Variants in FGF7 observed in about 807,000 individuals in gnomAD.
The protein encoded by FGF7 is fibroblast growth factor 7, also known as FGF-7.
FGF7 carries 6 observed loss-of-function variants against 20.5 expected under a neutral mutation model. The observed-to-expected ratio is 0.29, with a 90% CI of 0.16 to 0.58. FGF7 has a LOEUF of 0.58. FGF7 is among the 20% of genes least tolerant of loss of function. The probability of loss-of-function intolerance (pLI) is 0.90; values close to 1 mark genes in which losing one functional copy is unlikely to be tolerated. For missense variants in FGF7, 144 were observed against 228.8 expected (o/e 0.63, Z 2.39); for synonymous variants, 64 against 74.7 (o/e 0.86, Z 0.74).
rs2056254830 is a variant in FGF7, at chr15:49,484,615, C to T, written c.*111C>T. 12 of 528,076 alleles carry T rather than the reference C, an allele frequency of 2.3e-5. No homozygotes were observed. In the South Asian group the frequency reaches 3.9e-4, roughly 17 times the overall value. The allele number at this position is 528,076 out of a possible 1,614,324, so 32.7% of individuals were successfully genotyped here. ...TTTATTTTTTAGTAATCAAGAAAGG[C>T]TGGAAAACTACTGAAAAACTGATCA... On this transcript the variant is annotated 3_prime_UTR_variant, in exon 4 of 4. Coordinates refer to ENST00000267843, the MANE Select transcript of FGF7 (RefSeq NM_002009.4).
At position 49,457,810 on chromosome 15, in the gene FGF7, T is replaced by A. The variant is rs117283437; in HGVS notation, c.287-25341T>A. Among the ~76,000 whole-genome samples the A allele has an allele frequency of 2.6e-5, 4 of 152,098 alleles. No individual in the cohort carries two copies. The East Asian group carries it at 7.7e-4, about 29-fold the overall frequency. ...TTATATTAGAGAATAGGAATTTTTA[T>A]AGTCATCAGTTAAATGGTATACTTT... On this transcript the variant is annotated intron_variant, in intron 2 of 3. Coordinates refer to ENST00000267843, the MANE Select transcript of FGF7 (RefSeq NM_002009.4).
rs2151748977 is a variant in FGF7, at chr15:49,424,315, G to A, written c.18G>A (p.Leu6=). The A allele has an allele frequency of 6.2e-7, 1 of 1,613,416 alleles. No individual in the cohort carries two copies. Among genetic ancestry groups the A allele is most frequent in the East Asian group, 2.2e-5 (1 of 44,862 alleles). The change falls in exon 2 of 4, where the codon CTG becomes CTA. Residue 6 remains leucine, a synonymous_variant. Transcript: ENST00000267843. Reference sequence around the variant, plus strand: ...ACACTATAATGCACAAATGGATACTGACATGGATCCTGCCAACTTTGCTCT... The same window carrying A: ...ACACTATAATGCACAAATGGATACTAACATGGATCCTGCCAACTTTGCTCT... The part of the protein sequence containing the change: MHKWI[L]TWILPTLLYR...
intron 2 of FGF7, among the ~76,000 whole-genome samples, chr15:49,458,815 T>C (rs1459894638): frequency 3.9e-5 from 6 of 152,262 alleles, no homozygotes; most frequent in East Asian, 1.9e-4. Flanking sequence ...AAAAAATAAG[T>C]CTTGCAGATG....
chr15:49,441,606 T>C (rs886374493), intron 2 of FGF7, among the ~76,000 whole-genome samples: 2 of 151,568 alleles, frequency 1.3e-5, no homozygotes, highest in African/African-American at 4.8e-5. Context: ...TTTCATGACA[T>C]GGTATAATTT....
At position 49,485,449 on chromosome 15, in the gene FGF7, T is replaced by C. The variant is rs1380574794; in HGVS notation, c.*945T>C. 1 of 151,412 alleles carries C rather than the reference T, an allele frequency of 6.6e-6. No homozygotes were observed. The highest frequency in any genetic ancestry group is 2.4e-5 in the African/African-American group (1 of 41,384). 9.4% of individuals were successfully genotyped at this position (151,412 alleles called of 1,614,324 possible). A position where few individuals can be genotyped will look rare whatever the true frequency, so the allele number is the denominator to read the frequency against. On this transcript the variant is annotated 3_prime_UTR_variant, in exon 4 of 4. Coordinates refer to ENST00000267843, the MANE Select transcript of FGF7 (RefSeq NM_002009.4). The stretch of plus-strand genomic sequence containing the variant: ...AAGTTGTTTTTGAACTTTATTGTTT[T>C]GTTATTTAAGTTTATGTTATTTATA...
Position 49,488,082 on chromosome 15 carries a change from C to T in FGF7, c.*3578C>T, listed in dbSNP as rs1055326720. 1 of 151,942 alleles carries T rather than the reference C, an allele frequency of 6.6e-6. No homozygotes were observed. The highest frequency in any genetic ancestry group is 1.5e-5 in the Non-Finnish European group (1 of 67,920). The allele number at this position is 151,942 out of a possible 1,614,324, so 9.4% of individuals were successfully genotyped here. On this transcript the variant is annotated 3_prime_UTR_variant, in exon 4 of 4. Coordinates refer to ENST00000267843, the MANE Select transcript of FGF7 (RefSeq NM_002009.4). ...GGGTGATTACTGGCCAATCAGAATACATCACTGATACATCGAAATGGATGC... is the reference window on the plus strand; with the variant it reads ...GGGTGATTACTGGCCAATCAGAATATATCACTGATACATCGAAATGGATGC...
intron 2 of FGF7, among the ~76,000 whole-genome samples, chr15:49,440,300 C>A (rs1173142531): frequency 1.3e-5 from 2 of 151,540 alleles, no homozygotes; most frequent in African/African-American, 4.8e-5. Flanking sequence ...TTTTGTTCTC[C>A]CACCAAATGT....
intron 2 of FGF7, among the ~76,000 whole-genome samples, chr15:49,477,934 T>C (rs1294466881): frequency 1.3e-5 from 2 of 152,232 alleles, no homozygotes; most frequent in Non-Finnish European, 2.9e-5. Context: ...TAATTTCAAC[T>C]TTTATTTTAG....
chr15:49,474,219 G>T (rs2151977729), intron 2 of FGF7, among the ~76,000 whole-genome samples: 1 of 152,194 alleles, frequency 6.6e-6, no homozygotes, highest in Non-Finnish European at 1.5e-5. Flanking sequence ...TTCTTGCTGA[G>T]ATACTTATTT....
intron 2 of FGF7, among the ~76,000 whole-genome samples, chr15:49,436,688 A>C (rs1440079429): frequency 6.6e-6 from 1 of 151,520 alleles, no homozygotes; most frequent in Non-Finnish European, 1.5e-5. Flanking sequence ...GAATTAAGTA[A>C]CTTGCTCTAG....
chr15:49,475,392 G>C (rs987324743), intron 2 of FGF7, among the ~76,000 whole-genome samples: 1 of 152,118 alleles, frequency 6.6e-6, no homozygotes, highest in Non-Finnish European at 1.5e-5. Context: ...AAGGAACCAG[G>C]GTAGTCCTTT....
chr15:49,481,314 G>A (rs2055923864), intron 2 of FGF7, among the ~76,000 whole-genome samples: 1 of 152,196 alleles, frequency 6.6e-6, no homozygotes. Flanking sequence ...TTGCAAATAT[G>A]TTGAATCAAT....
intron 2 of FGF7, among the ~76,000 whole-genome samples, chr15:49,452,643 T>C (rs932624804): frequency 5.3e-5 from 8 of 152,152 alleles, no homozygotes; most frequent in Non-Finnish European, 1.0e-4. Flanking sequence ...ATACCTTAGT[T>C]TGGGTTCAAA....
chr15:49,462,150 G>A (rs1257266324), intron 2 of FGF7, among the ~76,000 whole-genome samples: 2 of 152,106 alleles, frequency 1.3e-5, no homozygotes, highest in Non-Finnish European at 2.9e-5. Flanking sequence ...GGCAGTATGA[G>A]AGCATGGTGA....
At chr15:49,465,975 G>C (rs1421392088) in intron 2 of FGF7, among the ~76,000 whole-genome samples, 1 of 152,154 alleles carries the variant, frequency 6.6e-6, no homozygotes, top group East Asian at 1.9e-4. Context: ...GCATAAGATA[G>C]TCTCTTCAAA....
intron 2 of FGF7, among the ~76,000 whole-genome samples, chr15:49,461,414 T>G (rs543276024): frequency 1.3e-4 from 20 of 152,356 alleles, no homozygotes; most frequent in African/African-American, 4.8e-4. Flanking sequence ...TCCTTGGCCA[T>G]CATCCAAACT....
intron 2 of FGF7, among the ~76,000 whole-genome samples, chr15:49,442,889 T>C (rs1185671820): frequency 1.3e-5 from 2 of 151,708 alleles, no homozygotes; most frequent in African/African-American, 4.8e-5. Flanking sequence ...ACACCACTAA[T>C]GATTAGGTTG....
rs2056506850 is a variant in FGF7, at chr15:49,487,585, GAT to G, written c.*3082_*3083del. ...TCTCTAGACTGCCAAAGAACATAAA[GAT>G]GTGCGAGGGGACCTAGCTGTAGTAA... On this transcript the variant is annotated 3_prime_UTR_variant, in exon 4 of 4. Transcript: ENST00000267843. The G allele has an allele frequency of 6.6e-6, 1 of 151,854 alleles. No homozygotes were observed. The highest frequency in any genetic ancestry group is 2.4e-5 in the African/African-American group (1 of 41,388). The allele number at this position is 151,854 out of a possible 1,614,324, so 9.4% of individuals were successfully genotyped here. A position where few individuals can be genotyped will look rare whatever the true frequency, so the allele number is the denominator to read the frequency against.
At chr15:49,474,816 G>A (rs1183036063) in intron 2 of FGF7, among the ~76,000 whole-genome samples, 3 of 152,046 alleles carry the variant, frequency 2.0e-5, no homozygotes, top group East Asian at 1.9e-4. Flanking sequence ...TCTAGGTTGC[G>A]TGCTCCGTAC....
Sources: gnomAD v4.1 joint callset for allele counts (sites outside exome capture counted in the v4.1 genomes callset) on GRCh38, gnomAD v4.1.1 for gene constraint, MANE v1.5 for transcripts, NCBI Gene and HGNC (gene_info 2026-07-23, HGNC 2026-07-21) for gene names.